Variants in PHF24 observed in about 807,000 individuals in gnomAD.
PHF24 encodes PHD finger protein 24.
In PHF24, 25 loss-of-function variants were observed where a neutral mutation model predicts 42.6. That is an observed-to-expected ratio of 0.59 (90% CI 0.43 to 0.82). PHF24 has a LOEUF of 0.82. PHF24 is among the 40% of genes least tolerant of loss of function. The pLI is 0.00. For missense variants in PHF24, 470 were observed against 538.1 expected (o/e 0.87, Z 1.25); for synonymous variants, 185 against 204.8 (o/e 0.90, Z 0.83).
the PHF24 span, among the ~76,000 whole-genome samples, chr9:34,932,984 CTT>C: frequency 0.48 from 58,246 of 121,542 alleles, 13,369 homozygotes; most frequent in Non-Finnish European, 0.51. Flanking sequence ...AGCAGGAACT[CTT>C]TTTTTTTTTT....
At chr9:34,976,557 C>T in exon 5 of PHF24, 1 of 1,613,588 alleles carries the variant, frequency 6.2e-7, no homozygotes, top group Non-Finnish European at 8.5e-7. Context: ...CACTGGAGGA[C>T]TTTCTGCGTT....
chr9:34,849,447 C>T, the PHF24 span, among the ~76,000 whole-genome samples: 1 of 151,272 alleles, frequency 6.6e-6, no homozygotes, highest in South Asian at 2.1e-4. Context: ...TGTTTTCCAT[C>T]TGCTTGGTAG....
the PHF24 span, among the ~76,000 whole-genome samples, chr9:34,761,191 GTCTC>G: frequency 4.6e-5 from 7 of 151,910 alleles, no homozygotes; most frequent in African/African-American, 1.7e-4. Context: ...TTTTGCTTTG[GTCTC>G]TCTCCTCTCT....
At chr9:34,779,970 C>T in the PHF24 span, among the ~76,000 whole-genome samples, 1 of 152,148 alleles carries the variant, frequency 6.6e-6, no homozygotes, top group Non-Finnish European at 1.5e-5. Flanking sequence ...AGGTGATCCA[C>T]CTGCCTCAGC....
At chr9:34,689,845 G>A in the PHF24 span, 19 of 1,614,046 alleles carry the variant, frequency 1.2e-5, no homozygotes, top group Non-Finnish European at 1.6e-5. This position sits in a 1 kb window ranked among gnomAD's most constrained non-coding sequence, Gnocchi z 4.1. Flanking sequence ...TTCATCTAGA[G>A]GAGGAAGGAG....
chr9:34,909,543 G>C, the PHF24 span, among the ~76,000 whole-genome samples: 1 of 151,764 alleles, frequency 6.6e-6, no homozygotes, highest in Non-Finnish European at 1.5e-5. Context: ...GTTTGCAATT[G>C]CAGCAAACAC....
chr9:34,870,594 C>T, the PHF24 span, among the ~76,000 whole-genome samples: 1 of 86,062 alleles, frequency 1.2e-5, no homozygotes, highest in African/African-American at 4.0e-5. Context: ...TTTTTTGAGA[C>T]AGGGTCTCAT....
the PHF24 span, among the ~76,000 whole-genome samples, chr9:34,914,422 G>T: frequency 4.3e-3 from 656 of 151,714 alleles, 4 homozygotes; most frequent in African/African-American, 0.015. Flanking sequence ...TTCTTTTTTT[G>T]TTGGTTTTCC....
At chr9:34,760,599 G>A in the PHF24 span, among the ~76,000 whole-genome samples, 6 of 152,200 alleles carry the variant, frequency 3.9e-5, no homozygotes, top group Non-Finnish European at 8.8e-5. Flanking sequence ...TTACCGCCCG[G>A]TGCAGAAGCG....
At chr9:34,665,640 T>C in the PHF24 span, 1 of 700,998 alleles carries the variant, frequency 1.4e-6, no homozygotes, top group Admixed American at 2.0e-5. Flanking sequence ...CGCCACCTCG[T>C]ATCTCCTCAT....
chr9:34,760,560 A>C, the PHF24 span, among the ~76,000 whole-genome samples: 4 of 152,228 alleles, frequency 2.6e-5, no homozygotes, highest in Admixed American at 2.0e-4. Flanking sequence ...AGTGTCAGGC[A>C]GCAAAACCAC....
At chr9:34,927,862 G>T in the PHF24 span, among the ~76,000 whole-genome samples, 1 of 152,158 alleles carries the variant, frequency 6.6e-6, no homozygotes, top group Non-Finnish European at 1.5e-5. Flanking sequence ...TCTCTATCCA[G>T]CCATCTTGCC....
At chr9:34,733,826 A>T in the PHF24 span, among the ~76,000 whole-genome samples, 2 of 152,230 alleles carry the variant, frequency 1.3e-5, no homozygotes, top group East Asian at 3.9e-4. Flanking sequence ...TTTAAGTCAC[A>T]CTTAGAAAGG....
the PHF24 span, among the ~76,000 whole-genome samples, chr9:34,868,129 G>A: frequency 1.3e-5 from 2 of 152,116 alleles, no homozygotes; most frequent in Non-Finnish European, 1.5e-5. Context: ...ATCCTTGCTA[G>A]CCCTGACTCA....
chr9:34,847,749 G>T, the PHF24 span, among the ~76,000 whole-genome samples: 3 of 152,074 alleles, frequency 2.0e-5, no homozygotes, highest in Non-Finnish European at 4.4e-5. Context: ...GTCATAGATA[G>T]CTCTTATTAT....
the PHF24 span, among the ~76,000 whole-genome samples, chr9:34,886,649 T>C: frequency 6.6e-6 from 1 of 152,126 alleles, no homozygotes; most frequent in African/African-American, 2.4e-5. Context: ...CTCAATCTTT[T>C]AACATTAAAG....
At chr9:34,778,082 T>C in the PHF24 span, among the ~76,000 whole-genome samples, 1 of 152,214 alleles carries the variant, frequency 6.6e-6, no homozygotes, top group East Asian at 1.9e-4. Flanking sequence ...CTGTCACTTT[T>C]CTATTGGATT....
chr9:34,852,090 C>G, the PHF24 span, among the ~76,000 whole-genome samples: 507 of 152,292 alleles, frequency 3.3e-3, 1 homozygote, highest in South Asian at 0.018. Context: ...TCAGCCTACT[C>G]AACATGAAGA....
the PHF24 span, among the ~76,000 whole-genome samples, chr9:34,690,900 A>G: frequency 6.6e-6 from 1 of 152,210 alleles, no homozygotes; most frequent in South Asian, 2.1e-4. Flanking sequence ...ATTGGGATTC[A>G]GGGGCACAGG....
Sources: gnomAD v4.1 joint callset for allele counts (sites outside exome capture counted in the v4.1 genomes callset) on GRCh38, gnomAD v4.1.1 for gene constraint, Gnocchi (gnomAD v3.1) non-coding constraint, MANE v1.5 for transcripts, NCBI Gene and HGNC (gene_info 2026-07-23, HGNC 2026-07-21) for gene names.